Variants in POLQ observed in about 807,000 individuals in gnomAD.
POLQ encodes DNA polymerase theta.
POLQ carries 233 observed loss-of-function variants against 259.2 expected under a neutral mutation model. The ratio of observed to expected loss-of-function variants is 0.90; its 90% CI spans 0.81 to 1.00. The LOEUF (loss-of-function observed/expected upper bound fraction) is 1.00. POLQ is among the 50% of genes least tolerant of loss of function. The probability of loss-of-function intolerance (pLI) is 0.00; values close to 1 mark genes in which losing one functional copy is unlikely to be tolerated. For synonymous variants in POLQ, 1,025 were observed against 1,048.8 expected (o/e 0.98, Z 0.44); for missense variants, 2,871 against 3,051.6 (o/e 0.94, Z 1.39).
rs553004802 is a variant in POLQ, at chr3:121,433,339, G to A, written c.7544-306C>T. Among the ~76,000 whole-genome samples the A allele has an allele frequency of 3.3e-5, 5 of 152,252 alleles. No homozygotes were observed. The East Asian group carries it at 7.7e-4, about 23-fold the overall frequency. ...ATAACTAACATTTTCTCTATCCATG[G>A]AGTCCCCCAACCACCATCTGAGTAA... is the stretch of plus-strand genomic sequence containing the variant. On this transcript the variant is annotated intron_variant, in intron 28 of 29. Coordinates refer to ENST00000264233, the MANE Select transcript of POLQ (RefSeq NM_199420.4).
chr3:121,479,841 C>T (rs2047957234), intron 19 of POLQ, among the ~76,000 whole-genome samples: 1 of 151,910 alleles, frequency 6.6e-6, no homozygotes, highest in Admixed American at 6.6e-5. Flanking sequence ...AAAATGACTA[C>T]AAAATAAAGT....
intron 2 of POLQ, among the ~76,000 whole-genome samples, chr3:121,544,516 AT>A (rs761403418): frequency 7.9e-5 from 12 of 152,062 alleles, no homozygotes; most frequent in Non-Finnish European, 1.6e-4. Context: ...TTAAATTGTC[AT>A]TTTTCTTGCT....
At chr3:121,511,433 T>A (rs541549593) in intron 10 of POLQ, among the ~76,000 whole-genome samples, 2 of 151,800 alleles carry the variant, frequency 1.3e-5, no homozygotes, top group Non-Finnish European at 1.5e-5. Context: ...ATCATTAAAT[T>A]CATCTGAAAT....
chr3:121,469,010 A>G (rs1192960543), intron 22 of POLQ, among the ~76,000 whole-genome samples: 1 of 151,984 alleles, frequency 6.6e-6, no homozygotes, highest in Non-Finnish European at 1.5e-5. Flanking sequence ...ACATAGTGAA[A>G]CCCCGTCTCC....
chr3:121,459,673 GC>G lies in POLQ; in HGVS notation c.7152+376del, dbSNP rs143721776. The stretch of plus-strand genomic sequence containing the variant: ...TGGGATTACAGGCGTGAGCCACCGC[GC>G]CCGGCCTGGAAAGATGTTTTTTAAG... On this transcript the variant is annotated intron_variant, in intron 25 of 29. Transcript: ENST00000264233. Among the ~76,000 whole-genome samples the G allele has an allele frequency of 2.0e-5, 3 of 152,082 alleles. No homozygotes were observed. The South Asian group carries it at 6.2e-4, about 32-fold the overall frequency.
At position 121,544,729 on chromosome 3, in the gene POLQ, G is replaced by A; in HGVS notation, c.341C>T (p.Ser114Leu). The A allele has an allele frequency of 2.5e-6, 4 of 1,596,102 alleles. No individual in the cohort carries two copies. Among genetic ancestry groups the A allele is most frequent in the Non-Finnish European group, 3.4e-6 (4 of 1,164,558 alleles). Residue 114 changes from serine (S) to leucine (L), a missense_variant and splice_region_variant, in exon 2 of 30, where the codon TCA becomes TTA. Physicochemically the swap from Ser to Leu is moderately radical, Grantham distance 145. This residue lies in a region of POLQ where 783 missense variants were observed against 906.2 expected (regional missense o/e 0.86). Coordinates refer to ENST00000264233, the MANE Select transcript of POLQ (RefSeq NM_199420.4). ...TTAGTTTACATAAATTTGGATACCT[G>A]AATAAACTAAATTCTTTCCTTCCAG... is the stretch of plus-strand genomic sequence containing the variant. ...QVLEGKNLVY[S>L]APTSAGKTLV...
intron 12 of POLQ, among the ~76,000 whole-genome samples, chr3:121,508,752 A>G (rs1462967959): frequency 6.6e-6 from 1 of 152,176 alleles, no homozygotes; most frequent in Admixed American, 6.5e-5. Context: ...ATTGAAACAC[A>G]TTTCCTGATA....
intron 25 of POLQ, among the ~76,000 whole-genome samples, chr3:121,459,388 T>TTTTG (rs2047772157): frequency 6.8e-6 from 1 of 146,588 alleles, no homozygotes; most frequent in Admixed American, 6.8e-5. Context: ...TTTTTTTTTT[T>TTTTG]TTTTGTTTTT....
At chr3:121,473,235 TG>T in intron 21 of POLQ, 114 bp downstream of exon 21, 2 of 930,096 alleles carry the variant, frequency 2.2e-6, no homozygotes, top group Non-Finnish European at 3.2e-6. Context: ...AATTTATATC[TG>T]GGTAAATTCA....
intron 24 of POLQ, among the ~76,000 whole-genome samples, chr3:121,465,216 T>C (rs909816422): frequency 1.1e-4 from 16 of 151,842 alleles, no homozygotes; most frequent in African/African-American, 3.9e-4. Context: ...CACAGCGTCC[T>C]GAGTAGCTGG....
chr3:121,480,293 T>G (rs892415682), intron 19 of POLQ, among the ~76,000 whole-genome samples: 5 of 152,104 alleles, frequency 3.3e-5, no homozygotes, highest in Non-Finnish European at 7.3e-5. Flanking sequence ...TGAGAATACC[T>G]CCTGGCTAAC....
intron 25 of POLQ, among the ~76,000 whole-genome samples, chr3:121,454,678 G>A (rs1421319760): frequency 6.6e-6 from 1 of 152,168 alleles, no homozygotes; most frequent in East Asian, 1.9e-4. Context: ...AACAAGAAGA[G>A]CTAACTATCC....
intron 23 of POLQ, among the ~76,000 whole-genome samples, chr3:121,467,851 G>C (rs1298165806): frequency 6.6e-6 from 1 of 152,048 alleles, no homozygotes; most frequent in African/African-American, 2.4e-5. Context: ...GTCTAGTTAG[G>C]GCAACAAAGT....
rs3045624 is a variant in POLQ, at chr3:121,486,893, CAGAGAGAG to C, written c.5629+401_5629+408del. Reference sequence around the variant, plus strand: ...GAGGAAAGAAAGAAAGAAAGAGAGACAGAGAGAGAGAGAGAGAGAGAGAGAGAGAAAGA... The same window carrying C: ...GAGGAAAGAAAGAAAGAAAGAGAGACAGAGAGAGAGAGAGAGAGAGAAAGA... On this transcript the variant is annotated intron_variant, in intron 16 of 29. Transcript: ENST00000264233. 4.7e-3 allele frequency among the ~76,000 whole-genome samples: 667 copies of C among 140,478 alleles called. 2 individuals are homozygous for C. The highest frequency in any genetic ancestry group is 7.8e-3 in the Non-Finnish European group (506 of 64,892). The allele number at this position is 140,478 out of a possible 152,430, so 92.2% of individuals were successfully genotyped here. A position where few individuals can be genotyped will look rare whatever the true frequency, so the allele number is the denominator to read the frequency against.
chr3:121,538,027 G>A (rs2048462692), intron 4 of POLQ, among the ~76,000 whole-genome samples: 1 of 152,052 alleles, frequency 6.6e-6, no homozygotes. Context: ...AACAAACCCA[G>A]GGAAAACTGC....
In POLQ at chr3:121,468,357, C is replaced by T; in HGVS notation, c.6793G>A (p.Gly2265Arg). The T allele has an allele frequency of 6.2e-7, 1 of 1,611,784 alleles. No individual in the cohort carries two copies. Among genetic ancestry groups the T allele is most frequent in the Non-Finnish European group, 8.5e-7 (1 of 1,178,006 alleles). Reference protein sequence around the residue: ...DFEIKMPTLVGESPPSQAVGK... With the variant: ...DFEIKMPTLVRESPPSQAVGK... ...ACAGCTTGAGAAGGTGGGCTTTCTC[C>T]TACTAGTGTTGGCATTTTGATTTCA... The change falls in exon 23 of 30, where the codon GGA becomes AGA. Residue 2265 changes from glycine to arginine, a missense_variant. This residue lies in a region of POLQ where 2,080 missense variants were observed against 2,126.0 expected (regional missense o/e 0.98). Transcript: ENST00000264233.
Position 121,512,024 on chromosome 3 carries a change from T to A in POLQ, c.1474A>T (p.Ser492Cys), listed in dbSNP as rs1268043078. 1.9e-6 allele frequency: 3 copies of A among 1,612,030 alleles called. No homozygotes were observed. The Admixed American group carries it at 5.0e-5, about 27-fold the overall frequency. ...GRKGVDTVGE[S>C]ILICKNSEKS... ...TCAGAGTTCTTACAAATTAAGATAC[T>A]CTCGCCTATAACCAAAAGATACACA... Residue 492 changes from serine (S) to cysteine (C), a missense_variant, in exon 10 of 30, where the codon AGT (serine) becomes TGT (cysteine). Physicochemically the swap from Ser to Cys is moderately radical, Grantham distance 112. This residue lies in a region of POLQ where 783 missense variants were observed against 906.2 expected (regional missense o/e 0.86). Transcript: ENST00000264233.
At chr3:121,454,412 G>A (rs1379268504) in intron 25 of POLQ, among the ~76,000 whole-genome samples, 1 of 152,144 alleles carries the variant, frequency 6.6e-6, no homozygotes, top group East Asian at 1.9e-4. Flanking sequence ...TGGACTAAAT[G>A]CTCCAATTAA....
rs544329014 is a variant in POLQ, at chr3:121,514,108, C to T, written c.1469-2079G>A. Reference sequence around the variant, plus strand: ...CTGTGGGAGGCCAAGGTGGACGGATCACCTGAGGTCAGGAGTTCAAGACTA... The same window carrying T: ...CTGTGGGAGGCCAAGGTGGACGGATTACCTGAGGTCAGGAGTTCAAGACTA... On this transcript the variant is annotated intron_variant, in intron 9 of 29. Transcript: ENST00000264233. 6.2e-4 allele frequency among the ~76,000 whole-genome samples: 87 copies of T among 141,016 alleles called. 1 individual carries two copies. Among genetic ancestry groups the T allele is most frequent in the African/African-American group, 2.1e-3 (79 of 37,924 alleles). The allele number at this position is 141,016 out of a possible 152,430, so 92.5% of individuals were successfully genotyped here.
Sources: gnomAD v4.1 joint callset for allele counts (sites outside exome capture counted in the v4.1 genomes callset) on GRCh38, gnomAD v4.1.1 for gene constraint, gnomAD v4.1.1 regional missense constraint, MANE v1.5 for transcripts, NCBI Gene and HGNC (gene_info 2026-07-23, HGNC 2026-07-21) for gene names.